Variants in DOCK4 observed in about 807,000 individuals in gnomAD.
DOCK4 encodes dedicator of cytokinesis 4.
In DOCK4, 97 loss-of-function variants were observed where a neutral mutation model predicts 268.1. The observed-to-expected ratio is 0.36, with a 90% CI of 0.31 to 0.43. The LOEUF (loss-of-function observed/expected upper bound fraction) is 0.43. DOCK4 is among the 20% of genes least tolerant of loss of function. The probability of loss-of-function intolerance (pLI) is 1.00; values close to 1 mark genes in which losing one functional copy is unlikely to be tolerated. For missense variants in DOCK4, 2,145 were observed against 2,455.7 expected (o/e 0.87, Z 2.67); for synonymous variants, 954 against 887.2 (o/e 1.08, Z -1.34).
intron 51 of DOCK4, among the ~76,000 whole-genome samples, chr7:111,732,679 C>T (rs1335810554): frequency 1.3e-5 from 2 of 152,164 alleles, no homozygotes; most frequent in South Asian, 2.1e-4. Context: ...TTGACTTTGG[C>T]GTGAGCACCA....
chr7:111,761,528 T>C (rs1797405719), intron 39 of DOCK4, among the ~76,000 whole-genome samples: 1 of 152,136 alleles, frequency 6.6e-6, no homozygotes, highest in Admixed American at 6.5e-5. Context: ...CCTGGAGATC[T>C]TCAAGTTAAG....
chr7:112,100,878 A>G (rs576665340), intron 1 of DOCK4, among the ~76,000 whole-genome samples: 1 of 152,356 alleles, frequency 6.6e-6, no homozygotes, highest in African/African-American at 2.4e-5. Context: ...AAAAGATATC[A>G]GGGATATAAG....
At chr7:112,120,420 A>G (rs1203961308) in intron 1 of DOCK4, among the ~76,000 whole-genome samples, 3 of 152,214 alleles carry the variant, frequency 2.0e-5, no homozygotes, top group Middle Eastern at 3.2e-3. Flanking sequence ...GGTGAGGTTT[A>G]CATTGTCTGG....
chr7:112,065,277 C>A (rs1435590257), intron 1 of DOCK4, among the ~76,000 whole-genome samples: 1 of 151,898 alleles, frequency 6.6e-6, no homozygotes, highest in East Asian at 1.9e-4. Context: ...GCTTGGAGTG[C>A]CATTTCTCAG....
At chr7:112,167,617 T>C (rs964774142) in intron 1 of DOCK4, among the ~76,000 whole-genome samples, 3 of 152,206 alleles carry the variant, frequency 2.0e-5, no homozygotes, top group Non-Finnish European at 4.4e-5. Flanking sequence ...ATTTTAAGAA[T>C]TGATCATCAA....
intron 2 of DOCK4, among the ~76,000 whole-genome samples, chr7:112,003,304 C>T (rs1014692984): frequency 2.0e-5 from 3 of 152,022 alleles, no homozygotes; most frequent in African/African-American, 7.2e-5. Flanking sequence ...AGGAGGATCC[C>T]TTGAGCCCAG....
At chr7:111,784,320 G>T in intron 32 of DOCK4, 197 bp from the exon 33 acceptor site, 2 of 716,284 alleles carry the variant, frequency 2.8e-6, no homozygotes, top group Non-Finnish European at 5.0e-6. Context: ...AGCAAAAACA[G>T]GAGTGCCTCC....
At chr7:111,844,712 C>A (rs994686400) in intron 25 of DOCK4, 51 bp downstream of exon 25, 41 of 1,557,580 alleles carry the variant, frequency 2.6e-5, no homozygotes, top group Non-Finnish European at 8.7e-7. Flanking sequence ...TGCAACGTGA[C>A]TGAAGCATAA....
At chr7:111,921,841 G>T (rs529395393) in intron 12 of DOCK4, among the ~76,000 whole-genome samples, 12 of 152,016 alleles carry the variant, frequency 7.9e-5, no homozygotes, top group Non-Finnish European at 1.8e-4. Context: ...CAACAAATTA[G>T]CTTCCATCAA....
chr7:111,943,799 G>C (rs1795390821), intron 10 of DOCK4, among the ~76,000 whole-genome samples: 1 of 151,998 alleles, frequency 6.6e-6, no homozygotes, highest in Non-Finnish European at 1.5e-5. Flanking sequence ...AGATTTTTAT[G>C]AGAAAAAACA....
intron 16 of DOCK4, among the ~76,000 whole-genome samples, chr7:111,881,530 C>T (rs1807388062): frequency 6.6e-6 from 1 of 152,124 alleles, no homozygotes; most frequent in Admixed American, 6.5e-5. Flanking sequence ...CCTCAAACAA[C>T]TATAAAGAGA....
At chr7:112,124,342 T>G (rs1478685753) in intron 1 of DOCK4, among the ~76,000 whole-genome samples, 1 of 152,202 alleles carries the variant, frequency 6.6e-6, no homozygotes, top group Non-Finnish European at 1.5e-5. Flanking sequence ...AGTGATATAA[T>G]AAAGCAACAT....
chr7:111,744,897 G>A (rs1796164182), intron 44 of DOCK4, among the ~76,000 whole-genome samples: 1 of 152,196 alleles, frequency 6.6e-6, no homozygotes. Flanking sequence ...GAGCATAAAA[G>A]ATGGATGAAA....
At chr7:111,831,915 G>A (rs1802842070) in intron 26 of DOCK4, among the ~76,000 whole-genome samples, 1 of 152,114 alleles carries the variant, frequency 6.6e-6, no homozygotes, top group Non-Finnish European at 1.5e-5. Flanking sequence ...CATTCATACA[G>A]CCTTAAACTC....
At chr7:111,855,336 GT>G (rs1421153531) in intron 23 of DOCK4, among the ~76,000 whole-genome samples, 4 of 152,156 alleles carry the variant, frequency 2.6e-5, no homozygotes, top group African/African-American at 9.7e-5. Context: ...CAGTGGGGGT[GT>G]GGAGAAGCTA....
At chr7:112,115,152 C>A (rs1812012455) in intron 1 of DOCK4, among the ~76,000 whole-genome samples, 1 of 152,224 alleles carries the variant, frequency 6.6e-6, no homozygotes, top group African/African-American at 2.4e-5. Context: ...CAATATCTGA[C>A]TGTTGTTTCA....
At chr7:111,748,239 T>C (rs1250600527) in intron 42 of DOCK4, among the ~76,000 whole-genome samples, 2 of 151,574 alleles carry the variant, frequency 1.3e-5, no homozygotes, top group African/African-American at 4.9e-5. Flanking sequence ...CAAATTAGAG[T>C]TTTTAAAGGT....
chr7:111,940,125 A>G lies in DOCK4; in HGVS notation c.962T>C (p.Ile321Thr), dbSNP rs1374929802. The change falls in exon 11 of 53, where the codon ATT (isoleucine) becomes ACT (threonine). Residue 321 changes from isoleucine to threonine, a missense_variant. This residue lies in a region of DOCK4 where 1,598 missense variants were observed against 1,986.7 expected (regional missense o/e 0.80). Coordinates refer to ENST00000428084, the MANE Select transcript of DOCK4 (RefSeq NM_001363540.2). ...LLTGETKDDL[I>T]LKVYMCNTES... Reference sequence around the variant, plus strand: ...TGTTTCTTACATGTATACTTTCAGAATGAGGTCATCCTTTGTCTCTCCTGT... The same window carrying G: ...TGTTTCTTACATGTATACTTTCAGAGTGAGGTCATCCTTTGTCTCTCCTGT... 6.2e-7 allele frequency: 1 copy of G among 1,613,892 alleles called. No homozygotes were observed. The highest frequency in any genetic ancestry group is 1.1e-5 in the South Asian group (1 of 91,082).
chr7:112,032,472 C>T (rs1307613336), intron 1 of DOCK4, among the ~76,000 whole-genome samples: 1 of 152,164 alleles, frequency 6.6e-6, no homozygotes, highest in Non-Finnish European at 1.5e-5. Context: ...AAATGCTCTC[C>T]TTGGCTTCCA....
Sources: gnomAD v4.1 joint callset for allele counts (sites outside exome capture counted in the v4.1 genomes callset) on GRCh38, gnomAD v4.1.1 for gene constraint, gnomAD v4.1.1 regional missense constraint, MANE v1.5 for transcripts, NCBI Gene and HGNC (gene_info 2026-07-23, HGNC 2026-07-21) for gene names.